Variants in RNF17 observed in about 807,000 individuals in gnomAD.
The protein encoded by RNF17 is spermatogenesis associated 23.
In RNF17, 31 loss-of-function variants were observed where a neutral mutation model predicts 200.5. That is an observed-to-expected ratio of 0.15 (90% confidence interval 0.12 to 0.21). The LOEUF (loss-of-function observed/expected upper bound fraction) is 0.21, where lower values mean the gene tolerates loss of function less well. RNF17 is among the 10% of genes least tolerant of loss of function. The probability of loss-of-function intolerance (pLI) is 1.00; values close to 1 mark genes in which losing one functional copy is unlikely to be tolerated. For missense variants in RNF17, 1,628 were observed against 1,905.1 expected, an observed-to-expected ratio of 0.85 and a Z score of 2.71; for synonymous variants, 606 against 637.8, an observed-to-expected ratio of 0.95 and a Z score of 0.75.
At chr13:24,798,055 A>G (rs1884817312) in intron 11 of RNF17, among the ~76,000 whole-genome samples, 1 of 152,136 alleles carries the variant, frequency 6.6e-6, no homozygotes, top group African/African-American at 2.4e-5. Context: ...CACTACCACT[A>G]TGACTGCCGT....
chr13:24,856,515 C>G (rs1199605421), intron 25 of RNF17, among the ~76,000 whole-genome samples: 1 of 151,330 alleles, frequency 6.6e-6, no homozygotes, highest in Non-Finnish European at 1.5e-5. Flanking sequence ...TTGTTTTTTA[C>G]ATAAAGTCTT....
chr13:24,887,788 C>T, the RNF17 span, among the ~76,000 whole-genome samples: 1 of 152,156 alleles, frequency 6.6e-6, no homozygotes, highest in African/African-American at 2.4e-5. Context: ...TCCCTGATGC[C>T]AAAAAGGTTG....
chr13:24,772,852 C>T (rs565300062), intron 2 of RNF17, among the ~76,000 whole-genome samples: 17 of 152,112 alleles, frequency 1.1e-4, no homozygotes, highest in African/African-American at 3.1e-4. Context: ...CCTCATGATC[C>T]GCCCGCCTCA....
intron 19 of RNF17, among the ~76,000 whole-genome samples, chr13:24,842,439 A>G (rs979621942): frequency 6.6e-6 from 1 of 152,246 alleles, no homozygotes; most frequent in Non-Finnish European, 1.5e-5. Flanking sequence ...ATTTCTGCTT[A>G]GGAAGCCCCT....
chr13:24,847,864 A>G (rs1458410000), intron 22 of RNF17, among the ~76,000 whole-genome samples: 1 of 152,186 alleles, frequency 6.6e-6, no homozygotes, highest in African/African-American at 2.4e-5. Flanking sequence ...TATAAATCCT[A>G]TGTTAGTTTT....
At chr13:24,884,332 G>A (rs761762132), downstream of RNF17, 4 of 1,613,984 alleles carry the variant, frequency 2.5e-6, no homozygotes, top group African/African-American at 1.3e-5. Context: ...CCACTCTTTG[G>A]TCTGGCATGA....
Position 24,789,770 on chromosome 13 carries a change from A to G in RNF17, c.933A>G (p.Thr311=). The G allele has an allele frequency of 6.5e-7, 1 of 1,548,334 alleles. No individual in the cohort carries two copies. Among genetic ancestry groups the G allele is most frequent in the African/African-American group, 1.4e-5 (1 of 73,704 alleles). ...NMGKIEFRDS[T]KCYPQENEIR... is the part of the protein sequence containing the mutation. Reference sequence around the variant, plus strand: ...GAAAGATTGAATTTAGGGACTCAACAAAGTAAGTATTTATAAGCATGGTAA... The same window carrying G: ...GAAAGATTGAATTTAGGGACTCAACGAAGTAAGTATTTATAAGCATGGTAA... Residue 311 remains threonine, a splice_region_variant and synonymous_variant, in exon 9 of 36, where the codon ACA becomes ACG. Transcript: ENST00000255324.
rs775759435 is a variant in RNF17 at position 24,843,863 on chromosome 13, A to G, written c.2723A>G (p.Glu908Gly). The change falls in exon 20 of 36, where the codon GAG (glutamate) becomes GGG (glycine). Residue 908 changes from glutamate (E) to glycine (G), a missense_variant. Glu to Gly is a moderately conservative substitution (Grantham distance 98). Transcript: ENST00000255324. ...GTGTCTGCAAAATCTCTACCTAATG[A>G]GAATTTTCAGTCACTTTATAATAAG... The part of the protein sequence containing the change: ...NPVSAKSLPN[E>G]NFQSLYNKEL... 8.7e-6 allele frequency: 14 copies of G among 1,603,422 alleles called. No homozygotes were observed. Among genetic ancestry groups the G allele is most frequent in the African/African-American group, 1.3e-5 (1 of 74,592 alleles).
intron 2 of RNF17, among the ~76,000 whole-genome samples, chr13:24,768,080 C>A (rs1880015059): frequency 6.6e-6 from 1 of 152,066 alleles, no homozygotes; most frequent in Admixed American, 6.6e-5. Flanking sequence ...TTGGGAGATG[C>A]CATTCTACAA....
intron 15 of RNF17, among the ~76,000 whole-genome samples, chr13:24,821,943 G>A (rs1016759139): frequency 7.9e-5 from 12 of 152,116 alleles, no homozygotes; most frequent in South Asian, 2.1e-4. Flanking sequence ...TAGGAGTGGC[G>A]GTTTAATATG....
chr13:24,819,705 A>C (rs951544406), intron 15 of RNF17, among the ~76,000 whole-genome samples: 1 of 152,240 alleles, frequency 6.6e-6, no homozygotes, highest in Non-Finnish European at 1.5e-5. Context: ...GTGCTCAATA[A>C]CATAGATTTG....
At chr13:24,841,232 T>C (rs1462106099) in intron 18 of RNF17, among the ~76,000 whole-genome samples, 1 of 152,238 alleles carries the variant, frequency 6.6e-6, no homozygotes, top group Non-Finnish European at 1.5e-5. Flanking sequence ...GTTAGATGGT[T>C]TGTCCTAAAA....
At chr13:24,825,553 A>T in intron 15 of RNF17, 66 bp from the exon 16 acceptor site, 1 of 996,974 alleles carries the variant, frequency 1.0e-6, no homozygotes, top group Non-Finnish European at 1.5e-6. Context: ...CAGTGCTTGT[A>T]ATTCATTCAA....
downstream of RNF17, among the ~76,000 whole-genome samples, chr13:24,880,406 A>G (rs1198477182): frequency 6.6e-6 from 1 of 152,246 alleles, no homozygotes; most frequent in Non-Finnish European, 1.5e-5. Context: ...GTGGGAACAC[A>G]GCCAAAGCAT....
chr13:24,830,424 A>C, intron 16 of RNF17, 60 bp from the exon 17 acceptor site: 1 of 1,028,456 alleles, frequency 9.7e-7, no homozygotes. Context: ...AAACCAATCT[A>C]AATTTTTCTA....
chr13:24,874,269 GT>G lies in RNF17; in HGVS notation c.4583+21del. ...AAACAGGTTAAAAATAAATGTCGGGGTGTTGAATTAGATTTCTTTTTTTTTA... is the reference window on the plus strand; with the variant it reads ...AAACAGGTTAAAAATAAATGTCGGGGGTTGAATTAGATTTCTTTTTTTTTA... On this transcript the variant is annotated intron_variant, in intron 33 of 35. Coordinates refer to ENST00000255324, the MANE Select transcript of RNF17 (RefSeq NM_031277.3). 1 of 1,542,484 alleles carries G rather than the reference GT, an allele frequency of 6.5e-7. No individual in the cohort carries two copies. Among genetic ancestry groups the G allele is most frequent in the Non-Finnish European group, 8.7e-7 (1 of 1,151,558 alleles).
chr13:24,876,744 G>A (rs1471773115), intron 33 of RNF17, among the ~76,000 whole-genome samples: 2 of 152,086 alleles, frequency 1.3e-5, no homozygotes, highest in East Asian at 1.9e-4. Context: ...GTGTTTATGT[G>A]TATTTTCTCC....
At chr13:24,883,358 T>C, downstream of RNF17, 2 of 1,607,080 alleles carry the variant, frequency 1.2e-6, no homozygotes, top group Non-Finnish European at 1.7e-6. Context: ...CTCTATGAGT[T>C]TGTTGCCATC....
the RNF17 span, chr13:24,751,315 T>C: frequency 1.1e-5 from 1 of 87,742 alleles, no homozygotes; most frequent in East Asian, 3.0e-4. Flanking sequence ...TATATATATA[T>C]TTTTTTTTAC....
Sources: allele counts gnomAD v4.1 joint callset (sites outside exome capture counted in the v4.1 genomes callset), GRCh38; gene constraint gnomAD v4.1.1; transcripts MANE v1.5; gene names NCBI Gene and HGNC (gene_info 2026-07-23, HGNC 2026-07-21).